TESMIN: variants seen among roughly 807,000 people sequenced by gnomAD.
TESMIN encodes CXC domain containing 2.
In TESMIN, 34 loss-of-function variants were observed where a neutral mutation model predicts 47.4. The observed-to-expected ratio is 0.72, with a 90% CI of 0.55 to 0.96. TESMIN has a LOEUF of 0.96. Ranked by LOEUF, TESMIN falls within the 40% of genes least tolerant of loss-of-function variation. The probability of loss-of-function intolerance (pLI) is 0.00; values close to 1 mark genes in which losing one functional copy is unlikely to be tolerated. For missense variants in TESMIN, 610 were observed against 637.2 expected (o/e 0.96, Z 0.46); for synonymous variants, 278 against 258.9 (o/e 1.07, Z -0.71).
At chr11:68,733,551 C>T (rs746439566) in intron 6 of TESMIN, 2 of 152,184 alleles carry the variant, frequency 1.3e-5, no homozygotes, top group Admixed American at 6.5e-5. Flanking sequence ...AACTGTAACA[C>T]GTGCAGTGCT....
chr11:68,738,447 T>G (rs553571747), intron 6 of TESMIN: 1 of 1,270,502 alleles, frequency 7.9e-7, no homozygotes, highest in South Asian at 1.7e-5. Flanking sequence ...AACACCAACA[T>G]AGGACAGCGG....
intron 6 of TESMIN, among the ~76,000 whole-genome samples, chr11:68,727,246 G>C (rs941494762): frequency 6.6e-6 from 1 of 152,160 alleles, no homozygotes; most frequent in Non-Finnish European, 1.5e-5. Flanking sequence ...TTCAAGACCA[G>C]CCTTGCCAAC....
intron 5 of TESMIN, among the ~76,000 whole-genome samples, chr11:68,741,574 GTT>G (rs1362272088): frequency 6.6e-6 from 1 of 152,246 alleles, no homozygotes; most frequent in African/African-American, 2.4e-5. Flanking sequence ...GGAGTTGTGT[GTT>G]TTGTTTTCTG....
At chr11:68,720,807 C>T (rs1275070857) in intron 6 of TESMIN, among the ~76,000 whole-genome samples, 1 of 152,076 alleles carries the variant, frequency 6.6e-6, no homozygotes, top group Non-Finnish European at 1.5e-5. Flanking sequence ...AAATGTAAAT[C>T]ATATTTATTG....
intron 6 of TESMIN, among the ~76,000 whole-genome samples, chr11:68,725,582 A>G (rs1946252338): frequency 6.6e-6 from 1 of 152,132 alleles, no homozygotes; most frequent in Admixed American, 6.5e-5. Flanking sequence ...TCCCACAGGC[A>G]TATTGAATCA....
At chr11:68,746,842 C>T (rs1441701999) in intron 3 of TESMIN, among the ~76,000 whole-genome samples, 1 of 152,108 alleles carries the variant, frequency 6.6e-6, no homozygotes, top group Non-Finnish European at 1.5e-5. Context: ...GATTGGGACA[C>T]GAAGGAAGCA....
At chr11:68,726,399 T>C (rs1946264799) in intron 6 of TESMIN, among the ~76,000 whole-genome samples, 1 of 152,054 alleles carries the variant, frequency 6.6e-6, no homozygotes, top group South Asian at 2.1e-4. Context: ...ACAAACCTTC[T>C]CTGAAGAGCA....
chr11:68,707,286 C>G (rs907202026), downstream of TESMIN, among the ~76,000 whole-genome samples: 5 of 152,356 alleles, frequency 3.3e-5, no homozygotes, highest in East Asian at 5.8e-4. Context: ...ACACTTCTGT[C>G]TCTGCTGCAT....
intron 2 of TESMIN, among the ~76,000 whole-genome samples, chr11:68,747,827 G>A (rs1946540794): frequency 6.6e-6 from 1 of 152,152 alleles, no homozygotes; most frequent in Non-Finnish European, 1.5e-5. Context: ...TGTTCAAGCT[G>A]TCTTCTGTAA....
chr11:68,713,248 A>T (rs745479465), intron 8 of TESMIN, 22 bp downstream of exon 8: 5 of 1,598,610 alleles, frequency 3.1e-6, no homozygotes, highest in Admixed American at 3.5e-5. Flanking sequence ...TTTGTTAGTG[A>T]GTTAGGGAGC....
chr11:68,736,195 T>C (rs1946384821), intron 6 of TESMIN: 1 of 985,342 alleles, frequency 1.0e-6, no homozygotes, highest in Non-Finnish European at 1.2e-6. Flanking sequence ...ATCAACAATG[T>C]GTCAGAATTC....
chr11:68,715,876 G>A lies in TESMIN; in HGVS notation c.981C>T (p.Asn327=). 1.2e-6 allele frequency: 2 copies of A among 1,613,002 alleles called. No individual in the cohort carries two copies. The highest frequency in any genetic ancestry group is 1.1e-5 in the South Asian group (1 of 91,044). ...ACCGTTCAATATCATGATGCAAGTT[G>A]TTGCAACAATTATTACAATTGCAGT... ...CNNCNCNNCC[N]NLHHDIERFK... Residue 327 remains asparagine (N), a synonymous_variant, in exon 7 of 10, where the codon AAC becomes AAT. Coordinates refer to ENST00000255087, the MANE Select transcript of TESMIN (RefSeq NM_004923.3).
rs1277580428 is a variant in TESMIN at position 68,710,892 on chromosome 11, G to C, written c.1316C>G (p.Pro439Arg). 6 of 1,613,146 alleles carry C rather than the reference G, an allele frequency of 3.7e-6. No individual in the cohort carries two copies. Among genetic ancestry groups the C allele is most frequent in the Non-Finnish European group, 4.2e-6 (5 of 1,179,748 alleles). Residue 439 changes from proline (P) to arginine (R), a missense_variant, in exon 9 of 10, where the codon CCA becomes CGA. Pro to Arg is a moderately radical substitution (Grantham distance 103, BLOSUM62 -2). Transcript: ENST00000255087. ...TACCTACCTATCGTGACTGAATCTT[G>C]GAAGTCCTGAAAATTTCGTTGGTGG... ...YLPPTKFSGL[P>R]RFSHDRRPSS...
chr11:68,721,055 T>A (rs1325657310), intron 6 of TESMIN, among the ~76,000 whole-genome samples: 3 of 91,580 alleles, frequency 3.3e-5, no homozygotes, highest in Non-Finnish European at 5.1e-5. Flanking sequence ...AAAGATAACA[T>A]CTTTCTTTTA....
intron 9 of TESMIN, chr11:68,710,578 C>A: frequency 2.9e-6 from 1 of 349,072 alleles, no homozygotes; most frequent in South Asian, 6.7e-5. Flanking sequence ...CTCTGCTAGC[C>A]CTGCTGGTGA....
chr11:68,713,318 G>A lies in TESMIN; in HGVS notation c.1110C>T (p.Cys370=). 1 of 1,614,154 alleles carries A rather than the reference G, an allele frequency of 6.2e-7. No individual in the cohort carries two copies. The highest frequency in any genetic ancestry group is 8.5e-7 in the Non-Finnish European group (1 of 1,180,012). ...TCAGGCAGCCTGACCTCCTGCAGTT[G>A]CACCCTTTGTTGTGCTGGGGCTTGA... The part of the protein sequence containing the change: ...GNVKPQHNKG[C]NCRRSGCLKN... Residue 370 remains cysteine, a synonymous_variant, in exon 8 of 10, where the codon TGC becomes TGT. Coordinates refer to ENST00000255087, the MANE Select transcript of TESMIN (RefSeq NM_004923.3).
At chr11:68,725,629 T>C (rs1946253162) in intron 6 of TESMIN, among the ~76,000 whole-genome samples, 1 of 111,578 alleles carries the variant, frequency 9.0e-6, no homozygotes, top group Admixed American at 9.9e-5. Context: ...AGACCTAAAA[T>C]GACAGTTTTT....
rs118086322 is a variant in TESMIN, at chr11:68,740,009, T to C, written c.829-1221A>G. The stretch of plus-strand genomic sequence containing the variant: ...GCAGAGACATCTCTTATGTACTCCA[T>C]AGGTTGTAAATCCAGGGCAACTTTA... On this transcript the variant is annotated intron_variant, in intron 5 of 9. Transcript: ENST00000255087. 3.5e-3 allele frequency among the ~76,000 whole-genome samples: 538 copies of C among 152,338 alleles called. 6 individuals are homozygous for C. The highest frequency in any genetic ancestry group is 0.027 in the East Asian group (138 of 5,188).
intron 7 of TESMIN, 70 bp downstream of exon 7, chr11:68,715,767 G>A (rs895611722): frequency 7.2e-6 from 8 of 1,108,654 alleles, no homozygotes; most frequent in Non-Finnish European, 1.0e-5. Context: ...ATCTCTGAAG[G>A]TGATTTTATG....
Sources: allele counts gnomAD v4.1 joint callset (sites outside exome capture counted in the v4.1 genomes callset), GRCh38; gene constraint gnomAD v4.1.1; transcripts MANE v1.5; gene names NCBI Gene and HGNC (gene_info 2026-07-23, HGNC 2026-07-21).